Variants in F13A1 observed in about 807,000 individuals in gnomAD.
F13A1 encodes the protein coagulation factor XIII A chain, also known as FSF, A subunit.
A neutral mutation model predicts 80.1 loss-of-function variants in F13A1; 47 were observed. The ratio of observed to expected loss-of-function variants is 0.59; its 90% confidence interval spans 0.46 to 0.75. The LOEUF is 0.75. Ranked by LOEUF, F13A1 falls within the 30% of genes least tolerant of loss-of-function variation. F13A1 has a pLI of 0.00. For synonymous variants in F13A1, 349 were observed against 344.9 expected (o/e 1.01, Z -0.13); for missense variants, 817 against 930.4 (o/e 0.88, Z 1.59).
chr6:6,318,253 G>T (rs564106748), intron 2 of F13A1, among the ~76,000 whole-genome samples: 5 of 152,326 alleles, frequency 3.3e-5, no homozygotes, highest in Non-Finnish European at 5.9e-5. Context: ...CCAGCACTCT[G>T]GTTTTGTAGA....
intron 12 of F13A1, among the ~76,000 whole-genome samples, chr6:6,169,981 G>A (rs1463357342): frequency 1.3e-5 from 2 of 152,124 alleles, no homozygotes; most frequent in Admixed American, 6.5e-5. Context: ...ACCCGCTCTC[G>A]TATTGCTGTC....
At chr6:6,175,989 T>C (rs1040138914) in intron 11 of F13A1, among the ~76,000 whole-genome samples, 5 of 152,236 alleles carry the variant, frequency 3.3e-5, no homozygotes, top group Admixed American at 6.5e-5. Context: ...TACAGAGCCT[T>C]GGACAAAAGG....
intron 8 of F13A1, among the ~76,000 whole-genome samples, chr6:6,219,950 G>A (rs575481158): frequency 4.6e-5 from 7 of 152,254 alleles, no homozygotes; most frequent in African/African-American, 9.6e-5. Context: ...TGTTATGCTC[G>A]GCTCTGTGAT....
intron 14 of F13A1, among the ~76,000 whole-genome samples, chr6:6,146,726 G>A (rs914875708): frequency 3.3e-5 from 5 of 152,160 alleles, no homozygotes; most frequent in Non-Finnish European, 7.3e-5. Context: ...TGGTAAATGG[G>A]CAGAGATGAA....
intron 7 of F13A1, among the ~76,000 whole-genome samples, chr6:6,223,415 A>G (rs1212736307): frequency 6.6e-6 from 1 of 152,138 alleles, no homozygotes; most frequent in Non-Finnish European, 1.5e-5. Flanking sequence ...TCATTTCACA[A>G]GAGTGGTTGC....
At chr6:6,281,224 T>C (rs1451835328) in intron 3 of F13A1, among the ~76,000 whole-genome samples, 1 of 152,230 alleles carries the variant, frequency 6.6e-6, no homozygotes, top group Non-Finnish European at 1.5e-5. Context: ...AATTCCTTCA[T>C]ATCTTAAATG....
At chr6:6,303,650 A>C (rs934884955) in intron 3 of F13A1, among the ~76,000 whole-genome samples, 1 of 152,170 alleles carries the variant, frequency 6.6e-6, no homozygotes, top group African/African-American at 2.4e-5. Context: ...CCTTCCATCT[A>C]ACTGAAATTT....
chr6:6,302,729 T>C (rs1758451707), intron 3 of F13A1, among the ~76,000 whole-genome samples: 1 of 152,118 alleles, frequency 6.6e-6, no homozygotes, highest in Non-Finnish European at 1.5e-5. Context: ...CTCACTATTC[T>C]ATTATGATAG....
intron 8 of F13A1, among the ~76,000 whole-genome samples, chr6:6,207,957 C>T (rs534093822): frequency 3.2e-4 from 49 of 152,206 alleles, no homozygotes; most frequent in African/African-American, 1.0e-3. Flanking sequence ...TTAAGAATTG[C>T]CACATTATAT....
chr6:6,168,884 C>T (rs941502684), intron 12 of F13A1, among the ~76,000 whole-genome samples: 1 of 152,202 alleles, frequency 6.6e-6, no homozygotes, highest in Non-Finnish European at 1.5e-5. Context: ...GAGGAACTCT[C>T]ACACCTGCGA....
At chr6:6,225,512 C>T (rs1040666204) in intron 6 of F13A1, among the ~76,000 whole-genome samples, 2 of 151,836 alleles carry the variant, frequency 1.3e-5, no homozygotes, top group East Asian at 1.9e-4. Context: ...CTCTCTCTCT[C>T]TCTCTTTCTT....
At chr6:6,194,402 T>C (rs1488548417) in intron 10 of F13A1, among the ~76,000 whole-genome samples, 1 of 152,210 alleles carries the variant, frequency 6.6e-6, no homozygotes, top group Non-Finnish European at 1.5e-5. Context: ...CCCCCTGCTT[T>C]GCACTCCTCC....
chr6:6,155,804 T>G (rs1308661944), intron 13 of F13A1, among the ~76,000 whole-genome samples: 1 of 152,230 alleles, frequency 6.6e-6, no homozygotes, highest in African/African-American at 2.4e-5. Flanking sequence ...GAACAATGAC[T>G]ATTTGGGGAG....
intron 13 of F13A1, among the ~76,000 whole-genome samples, chr6:6,159,765 C>CAG (rs1452511356): frequency 6.6e-6 from 1 of 152,084 alleles, no homozygotes; most frequent in Admixed American, 6.6e-5. Context: ...GCTGGTCATG[C>CAG]AGATATTCTG....
At chr6:6,217,349 TA>T (rs372173044) in intron 8 of F13A1, among the ~76,000 whole-genome samples, 1 of 151,588 alleles carries the variant, frequency 6.6e-6, no homozygotes, top group Non-Finnish European at 1.5e-5. Flanking sequence ...TATGCAGCCA[TA>T]AAAAATGATG....
intron 3 of F13A1, among the ~76,000 whole-genome samples, chr6:6,296,608 C>T (rs1758332118): frequency 6.7e-6 from 1 of 150,082 alleles, no homozygotes. Context: ...TATCCTGAGA[C>T]TTTGCTGAAG....
At chr6:6,221,079 T>G (rs1288490611) in intron 8 of F13A1, among the ~76,000 whole-genome samples, 1 of 152,248 alleles carries the variant, frequency 6.6e-6, no homozygotes, top group Non-Finnish European at 1.5e-5. Context: ...TTATTATTTG[T>G]GCATGAGACT....
intron 8 of F13A1, chr6:6,206,509 A>T (rs1393572491): frequency 4.2e-6 from 2 of 475,790 alleles, no homozygotes; most frequent in Non-Finnish European, 8.7e-6. Context: ...TTTACCCCCA[A>T]ACTCCCCTTG....
At chr6:6,188,869 T>A (rs1467046185) in intron 10 of F13A1, among the ~76,000 whole-genome samples, 1 of 73,306 alleles carries the variant, frequency 1.4e-5, no homozygotes, top group African/African-American at 9.6e-5. Flanking sequence ...AGTCTCTTTG[T>A]AGGTCTCTAA....
Sources: allele counts gnomAD v4.1 joint callset (sites outside exome capture counted in the v4.1 genomes callset), GRCh38; gene constraint gnomAD v4.1.1; transcripts MANE v1.5; gene names NCBI Gene and HGNC (gene_info 2026-07-23, HGNC 2026-07-21).